Variants in PPP2R2B observed in about 807,000 individuals in gnomAD.
The protein encoded by PPP2R2B is serine/threonine-protein phosphatase 2A 55 kDa regulatory subunit B beta isoform.
A neutral mutation model predicts 46.0 loss-of-function variants in PPP2R2B; 5 were observed. The ratio of observed to expected loss-of-function variants is 0.11; its 90% confidence interval spans 0.06 to 0.23. The LOEUF (loss-of-function observed/expected upper bound fraction) is 0.23. PPP2R2B is among the 10% of genes least tolerant of loss of function. PPP2R2B has a pLI of 1.00. For synonymous variants in PPP2R2B, 215 were observed against 206.7 expected, an observed-to-expected ratio of 1.04 and a Z score of -0.34; for missense variants, 367 against 575.0, an observed-to-expected ratio of 0.64 and a Z score of 3.70.
At chr5:146,689,423 C>A (rs1295436939) in intron 5 of PPP2R2B, among the ~76,000 whole-genome samples, 1 of 152,134 alleles carries the variant, frequency 6.6e-6, no homozygotes, top group Non-Finnish European at 1.5e-5. Flanking sequence ...TACACAAATA[C>A]CATTGTGTTA....
chr5:147,018,897 T>C (rs1467380235), intron 1 of PPP2R2B, among the ~76,000 whole-genome samples: 1 of 152,170 alleles, frequency 6.6e-6, no homozygotes, highest in Admixed American at 6.6e-5. Flanking sequence ...ATGGTGGTTA[T>C]TATTTTAAAA....
intron 2 of PPP2R2B, among the ~76,000 whole-genome samples, chr5:146,787,631 G>A (rs1192088868): frequency 1.3e-5 from 2 of 152,050 alleles, no homozygotes; most frequent in African/African-American, 4.8e-5. Flanking sequence ...GCAATGGGGT[G>A]ATCTCAGCTC....
At chr5:146,840,649 G>A (rs1759579710) in intron 2 of PPP2R2B, among the ~76,000 whole-genome samples, 1 of 152,134 alleles carries the variant, frequency 6.6e-6, no homozygotes, top group African/African-American at 2.4e-5. Flanking sequence ...CTCAGATACT[G>A]CCCCATTCAA....
At chr5:146,968,894 G>C (rs755772223) in intron 1 of PPP2R2B, among the ~76,000 whole-genome samples, 1 of 152,320 alleles carries the variant, frequency 6.6e-6, no homozygotes, top group South Asian at 2.1e-4. Flanking sequence ...GAAGAAATGA[G>C]TCTTAAGCTT....
chr5:146,897,629 G>A (rs994821572), intron 1 of PPP2R2B, among the ~76,000 whole-genome samples: 2 of 151,956 alleles, frequency 1.3e-5, no homozygotes, highest in East Asian at 1.9e-4. Flanking sequence ...TACACTGTGA[G>A]GGGAAAAAAG....
chr5:146,758,395 T>C (rs1202334183), intron 2 of PPP2R2B, among the ~76,000 whole-genome samples: 1 of 152,174 alleles, frequency 6.6e-6, no homozygotes, highest in Non-Finnish European at 1.5e-5. Flanking sequence ...TTACCAACAT[T>C]ACCTCAAAGG....
intron 2 of PPP2R2B, among the ~76,000 whole-genome samples, chr5:146,848,953 A>T (rs756212683): frequency 1.3e-5 from 2 of 152,066 alleles, no homozygotes; most frequent in African/African-American, 2.4e-5. Context: ...TATTGCTCGG[A>T]TTGTTCCACT....
At chr5:147,053,792 G>A (rs1328408875) in intron 1 of PPP2R2B, among the ~76,000 whole-genome samples, 4 of 152,168 alleles carry the variant, frequency 2.6e-5, no homozygotes, top group Non-Finnish European at 4.4e-5. Flanking sequence ...TTTATTCAGT[G>A]GTAACAGTTC....
chr5:146,802,184 C>T (rs955622702), intron 2 of PPP2R2B, among the ~76,000 whole-genome samples: 2 of 152,176 alleles, frequency 1.3e-5, no homozygotes, highest in African/African-American at 4.8e-5. Flanking sequence ...CCCAGTTTCA[C>T]GCCCCCTTTT....
chr5:146,741,493 G>C (rs1385580581), intron 2 of PPP2R2B, among the ~76,000 whole-genome samples: 1 of 152,098 alleles, frequency 6.6e-6, no homozygotes, highest in African/African-American at 2.4e-5. Context: ...CGGTGTCCTT[G>C]TAGATGGCAT....
At chr5:146,642,139 G>A (rs1775263868) in intron 6 of PPP2R2B, among the ~76,000 whole-genome samples, 1 of 152,218 alleles carries the variant, frequency 6.6e-6, no homozygotes, top group Non-Finnish European at 1.5e-5. Flanking sequence ...AGGACAGGAG[G>A]GGGCATAGCC....
intron 1 of PPP2R2B, among the ~76,000 whole-genome samples, chr5:146,891,181 G>A (rs1762481528): frequency 6.6e-6 from 1 of 152,216 alleles, no homozygotes; most frequent in South Asian, 2.1e-4. Context: ...ATGGTTAAAG[G>A]CATGATTTTT....
intron 7 of PPP2R2B, among the ~76,000 whole-genome samples, chr5:146,617,700 T>C (rs866981756): frequency 4.2e-5 from 6 of 143,360 alleles, no homozygotes; most frequent in East Asian, 2.0e-4. Context: ...CTCTCTCTCT[T>C]TTTTTTTTTT....
chr5:146,971,531 T>C (rs1290392840), intron 1 of PPP2R2B, among the ~76,000 whole-genome samples: 1 of 152,238 alleles, frequency 6.6e-6, no homozygotes, highest in Non-Finnish European at 1.5e-5. Context: ...TTCCAATCTT[T>C]TTCTATGAGA....
intron 2 of PPP2R2B, among the ~76,000 whole-genome samples, chr5:147,067,425 T>C (rs1757446843): frequency 6.6e-6 from 1 of 152,208 alleles, no homozygotes; most frequent in African/African-American, 2.4e-5. Context: ...TTTCTGTGCC[T>C]GTCTTGCTTC....
intron 2 of PPP2R2B, among the ~76,000 whole-genome samples, chr5:146,741,283 C>T (rs1276828599): frequency 6.6e-6 from 1 of 152,148 alleles, no homozygotes; most frequent in Admixed American, 6.5e-5. Context: ...GAGTACAGGA[C>T]AGAGATGAGC....
At chr5:146,981,267 T>A (rs1321030187) in intron 1 of PPP2R2B, among the ~76,000 whole-genome samples, 1 of 152,144 alleles carries the variant, frequency 6.6e-6, no homozygotes, top group African/African-American at 2.4e-5. Context: ...TCAATCCCTC[T>A]TTTAGGGAGA....
At chr5:146,640,121 C>A (rs917050483) in intron 6 of PPP2R2B, among the ~76,000 whole-genome samples, 7 of 152,240 alleles carry the variant, frequency 4.6e-5, no homozygotes, top group African/African-American at 9.6e-5. Flanking sequence ...TCACTATGCT[C>A]CTGCTACAAC....
chr5:147,047,753 T>A (rs1220378044), intron 1 of PPP2R2B, among the ~76,000 whole-genome samples: 1 of 152,180 alleles, frequency 6.6e-6, no homozygotes, highest in Non-Finnish European at 1.5e-5. Context: ...CACAGCTACC[T>A]TGAAGCAAAT....
Sources: allele counts gnomAD v4.1 joint callset (sites outside exome capture counted in the v4.1 genomes callset), GRCh38; gene constraint gnomAD v4.1.1; transcripts MANE v1.5; gene names NCBI Gene and HGNC (gene_info 2026-07-23, HGNC 2026-07-21).